Variants in TSNAX observed in about 807,000 individuals in gnomAD.
TSNAX encodes translin associated factor X.
TSNAX carries 12 observed loss-of-function variants against 33.0 expected under a neutral mutation model. The ratio of observed to expected loss-of-function variants is 0.36; its 90% CI spans 0.23 to 0.59. The LOEUF (loss-of-function observed/expected upper bound fraction) is 0.59. TSNAX is among the 20% of genes least tolerant of loss of function. The probability of loss-of-function intolerance (pLI) is 0.74; values close to 1 mark genes in which losing one functional copy is unlikely to be tolerated. For synonymous variants in TSNAX, 110 were observed against 117.2 expected (o/e 0.94, Z 0.40); for missense variants, 267 against 341.3 (o/e 0.78, Z 1.72).
chr1:231,544,603 A>G (rs1038090742), intron 4 of TSNAX, among the ~76,000 whole-genome samples: 2 of 152,218 alleles, frequency 1.3e-5, no homozygotes, highest in Non-Finnish European at 2.9e-5. Context: ...TGTGGGACAT[A>G]TGGGACATTT....
chr1:231,540,584 ATGT>A (rs911728057), intron 3 of TSNAX, among the ~76,000 whole-genome samples: 1 of 152,166 alleles, frequency 6.6e-6, no homozygotes, highest in African/African-American at 2.4e-5. Context: ...TATCTGGTAA[ATGT>A]TGTGTGTGCA....
rs776335200 is a variant in TSNAX, at chr1:231,564,534, T to G, written c.502T>G (p.Ser168Ala). The G allele has an allele frequency of 6.2e-7, 1 of 1,610,654 alleles. No individual in the cohort carries two copies. The highest frequency in any genetic ancestry group is 8.5e-7 in the Non-Finnish European group (1 of 1,177,194). Residue 168 changes from serine to alanine, a missense_variant, in exon 6 of 6, where the codon TCT becomes GCT. Around this residue, in one of 2 missense-constraint regions of TSNAX, gnomAD observed 200 missense variants for 214.1 expected, o/e 0.93. Transcript: ENST00000366639. ...DNGKENKTPS[S>A]DAQDKQFGTW... ...TGTTTTGTTTTTTTACCAGCCCTCC[T>G]CTGATGCACAGGATAAGCAGTTTGG...
At chr1:231,553,064 A>C (rs1660427528) in intron 4 of TSNAX, among the ~76,000 whole-genome samples, 1 of 152,184 alleles carries the variant, frequency 6.6e-6, no homozygotes, top group Non-Finnish European at 1.5e-5. Context: ...TTTGCCTACA[A>C]GTCTTTGTGT....
chr1:231,561,144 G>A lies in TSNAX; in HGVS notation c.384G>A (p.Val128=), dbSNP rs371105358. The A allele has an allele frequency of 1.2e-6, 2 of 1,610,240 alleles. No homozygotes were observed. Among genetic ancestry groups the A allele is most frequent in the African/African-American group, 1.3e-5 (1 of 74,730 alleles). ...RAITTGLQEY[V]EAVSFQHFIK... ...CGCTTTCAGGACTACAGGAATATGT[G>A]GAAGCTGTCTCTTTTCAACACTTCA... Residue 128 remains valine (V), a synonymous_variant, in exon 5 of 6, where the codon GTG becomes GTA. Transcript: ENST00000366639.
At chr1:231,540,301 C>G (rs1433979581) in intron 3 of TSNAX, among the ~76,000 whole-genome samples, 2 of 151,612 alleles carry the variant, frequency 1.3e-5, no homozygotes, top group Admixed American at 1.3e-4. Flanking sequence ...ATAGATAACT[C>G]TTCTTCAGTG....
chr1:231,557,287 A>G (rs1660756008), intron 4 of TSNAX, among the ~76,000 whole-genome samples: 1 of 152,160 alleles, frequency 6.6e-6, no homozygotes. Flanking sequence ...CAGAGACTTA[A>G]GAAGACATGA....
At chr1:231,551,261 T>G (rs1023326735) in intron 4 of TSNAX, among the ~76,000 whole-genome samples, 4 of 152,174 alleles carry the variant, frequency 2.6e-5, no homozygotes, top group African/African-American at 9.6e-5. Context: ...ATCCCCAGAT[T>G]GGTCTTAACT....
At chr1:231,559,095 G>A (rs1385814070) in intron 4 of TSNAX, among the ~76,000 whole-genome samples, 2 of 152,108 alleles carry the variant, frequency 1.3e-5, no homozygotes, top group Non-Finnish European at 2.9e-5. Context: ...GGAGACTTGT[G>A]AGTAGCAGGA....
intron 4 of TSNAX, among the ~76,000 whole-genome samples, chr1:231,560,857 A>G (rs1661064993): frequency 6.6e-6 from 1 of 150,770 alleles, no homozygotes; most frequent in Non-Finnish European, 1.5e-5. Context: ...TTGGGGTTTT[A>G]CTGTGTTGGC....
intron 4 of TSNAX, among the ~76,000 whole-genome samples, chr1:231,549,216 T>G (rs1216467277): frequency 6.6e-6 from 1 of 152,038 alleles, no homozygotes; most frequent in East Asian, 1.9e-4. Context: ...GAGGCTGAGG[T>G]GGGCGGATCA....
At position 231,565,068 on chromosome 1, in the gene TSNAX, A is replaced by C; in HGVS notation, c.*163A>C. On this transcript the variant is annotated 3_prime_UTR_variant, in exon 6 of 6. Coordinates refer to ENST00000366639, the MANE Select transcript of TSNAX (RefSeq NM_005999.3). ...ACAAGCTGTACATAAAATTAGCCAA[A>C]TGAATCATTTCTTATATCTTATTCA... is the stretch of plus-strand genomic sequence containing the variant. The C allele has an allele frequency of 1.2e-6, 1 of 863,524 alleles. No individual in the cohort carries two copies. Among genetic ancestry groups the C allele is most frequent in the Non-Finnish European group, 1.7e-6 (1 of 586,898 alleles). 53.5% of individuals were successfully genotyped at this position (863,524 alleles called of 1,614,324 possible). A position where few individuals can be genotyped will look rare whatever the true frequency, so the allele number is the denominator to read the frequency against.
intron 2 of TSNAX, 141 bp downstream of exon 2, chr1:231,529,500 A>T: frequency 2.7e-6 from 2 of 746,304 alleles, no homozygotes; most frequent in Non-Finnish European, 4.3e-6. Flanking sequence ...GTACCCTAAA[A>T]GTCTGGATTA....
intron 2 of TSNAX, among the ~76,000 whole-genome samples, chr1:231,533,881 T>C (rs892319044): frequency 6.6e-6 from 1 of 152,236 alleles, no homozygotes; most frequent in African/African-American, 2.4e-5. Context: ...TGTATAACTC[T>C]AGTATTGTTA....
chr1:231,542,786 T>G, intron 4 of TSNAX, 175 bp downstream of exon 4: 2 of 650,652 alleles, frequency 3.1e-6, no homozygotes, highest in South Asian at 2.1e-5. Context: ...CTTTATGTTT[T>G]TTTTAACAGT....
At chr1:231,558,399 T>G (rs1347421547) in intron 4 of TSNAX, among the ~76,000 whole-genome samples, 1 of 152,138 alleles carries the variant, frequency 6.6e-6, no homozygotes, top group Non-Finnish European at 1.5e-5. Flanking sequence ...TGACAAAGCT[T>G]AATATATTGC....
chr1:231,564,481 TTG>T (rs375928396), intron 5 of TSNAX, 45 bp from the exon 6 acceptor site: 2,057 of 1,457,144 alleles, frequency 1.4e-3, no homozygotes, highest in South Asian at 4.3e-3. Context: ...GTGTTCTTTC[TTG>T]TGTGTGTGTG....
chr1:231,548,765 A>G (rs1660108414), intron 4 of TSNAX, among the ~76,000 whole-genome samples: 1 of 152,238 alleles, frequency 6.6e-6, no homozygotes, highest in South Asian at 2.1e-4. Flanking sequence ...ACGTAGGTCT[A>G]CAGAACTCAG....
In TSNAX at chr1:231,537,475, G is replaced by A. The variant is rs139282194; in HGVS notation, c.236+148G>A. On this transcript the variant is annotated intron_variant, in intron 3 of 5. Coordinates refer to ENST00000366639, the MANE Select transcript of TSNAX (RefSeq NM_005999.3). Reference sequence around the variant, plus strand: ...ATAGGTCTCAGCTGGGTGTGGTGGCGCATGCCTGTAATCTCAGCACTTTGG... The same window carrying A: ...ATAGGTCTCAGCTGGGTGTGGTGGCACATGCCTGTAATCTCAGCACTTTGG... 5.4e-3 allele frequency: 2,696 copies of A among 496,674 alleles called. 19 individuals are homozygous for A. Among genetic ancestry groups the A allele is most frequent in the Non-Finnish European group, 7.1e-3 (2,042 of 286,122 alleles). 30.8% of individuals were successfully genotyped at this position (496,674 alleles called of 1,614,324 possible). A position where few individuals can be genotyped will look rare whatever the true frequency, so the allele number is the denominator to read the frequency against.
intron 2 of TSNAX, among the ~76,000 whole-genome samples, chr1:231,533,208 C>T (rs1277528519): frequency 6.7e-6 from 1 of 150,186 alleles, no homozygotes; most frequent in Non-Finnish European, 1.5e-5. Flanking sequence ...AAGCAATTCT[C>T]CTGCCTCAGC....
Sources: allele counts gnomAD v4.1 joint callset (sites outside exome capture counted in the v4.1 genomes callset), GRCh38; gene constraint gnomAD v4.1.1; regional missense constraint gnomAD v4.1.1; transcripts MANE v1.5; gene names NCBI Gene and HGNC (gene_info 2026-07-23, HGNC 2026-07-21).